The following REEP1 variants were observed in gnomAD, a reference collection of about 807,000 sequenced individuals.
REEP1 encodes receptor expression-enhancing protein 1.
Under a neutral mutation model 40.3 loss-of-function variants are expected in REEP1, and 22 were observed. The ratio of observed to expected loss-of-function variants is 0.55; its 90% CI spans 0.39 to 0.78. The LOEUF (loss-of-function observed/expected upper bound fraction) is 0.78, where lower values mean the gene tolerates loss of function less well. REEP1 is among the 30% of genes least tolerant of loss of function. The pLI is 0.00. For synonymous variants in REEP1, 116 were observed against 139.2 expected (o/e 0.83, Z 1.17); for missense variants, 280 against 361.1 (o/e 0.78, Z 1.82).
At position 86,239,233 on chromosome 2, in the gene REEP1, A is replaced by G. The variant is rs905833215; in HGVS notation, c.418-6431T>C. On this transcript the variant is annotated intron_variant, in intron 5 of 8. Transcript: ENST00000538924. ...CAAAAAAAAAAAAAAAAAAAAAAAA[A>G]GACATAGGAGTAATTAAAACAGCAA... is the stretch of plus-strand genomic sequence containing the variant. 2.1e-5 allele frequency among the ~76,000 whole-genome samples: 3 copies of G among 141,838 alleles called. No homozygotes were observed. In the South Asian group the frequency reaches 6.8e-4, roughly 32 times the overall value. The allele number at this position is 141,838 out of a possible 152,430, so 93.1% of individuals were successfully genotyped here.
chr2:86,218,880 T>A (rs999778869), intron 8 of REEP1, among the ~76,000 whole-genome samples: 2 of 152,234 alleles, frequency 1.3e-5, no homozygotes, highest in African/African-American at 4.8e-5. Flanking sequence ...AAGGGAACAT[T>A]TCAAGGCATC....
Position 86,232,614 on chromosome 2 carries a change from G to C in REEP1, c.595+11C>G. The C allele has an allele frequency of 6.2e-7, 1 of 1,612,088 alleles. No homozygotes were observed. Among genetic ancestry groups the C allele is most frequent in the Non-Finnish European group, 8.5e-7 (1 of 1,179,928 alleles). Reference sequence around the variant, plus strand: ...AGGAGTGGGAAAGAGGGGAAGTAAAGTGACACCTACCTGAGCTGCTAGCGC... The same window carrying C: ...AGGAGTGGGAAAGAGGGGAAGTAAACTGACACCTACCTGAGCTGCTAGCGC... On this transcript the variant is annotated intron_variant, in intron 6 of 8. Coordinates refer to ENST00000538924, the MANE Select transcript of REEP1 (RefSeq NM_001371279.1).
chr2:86,249,028 G>GC (rs1217523396), intron 5 of REEP1, among the ~76,000 whole-genome samples: 1 of 152,170 alleles, frequency 6.6e-6, no homozygotes, highest in African/African-American at 2.4e-5. Context: ...GGAGGCTGAG[G>GC]CGGGCGGATC....
intron 1 of REEP1, among the ~76,000 whole-genome samples, chr2:86,290,649 T>C (rs2104425431): frequency 6.6e-6 from 1 of 152,308 alleles, no homozygotes; most frequent in East Asian, 1.9e-4. Context: ...GACCCACTGA[T>C]CCTCTAGCCC....
intron 1 of REEP1, among the ~76,000 whole-genome samples, chr2:86,327,203 T>A (rs1680548819): frequency 6.6e-6 from 1 of 152,252 alleles, no homozygotes; most frequent in Admixed American, 6.5e-5. Flanking sequence ...CTTTTCCACA[T>A]GGGCTTATTT....
At chr2:86,253,944 T>C (rs1268858166) in intron 4 of REEP1, among the ~76,000 whole-genome samples, 1 of 152,204 alleles carries the variant, frequency 6.6e-6, no homozygotes, top group Non-Finnish European at 1.5e-5. Context: ...ATCCTGCTCT[T>C]GGGAATTAAT....
chr2:86,293,115 T>C (rs1419967304), intron 1 of REEP1, among the ~76,000 whole-genome samples: 1 of 152,168 alleles, frequency 6.6e-6, no homozygotes, highest in African/African-American at 2.4e-5. Flanking sequence ...TGTTCGTTCA[T>C]CCAACAGACA....
At chr2:86,223,892 G>A (rs1488571927) in intron 7 of REEP1, 1 of 151,220 alleles carries the variant, frequency 6.6e-6, no homozygotes, top group Non-Finnish European at 1.5e-5. Context: ...ATGACATAGA[G>A]GTAGGCAGAG....
intron 1 of REEP1, among the ~76,000 whole-genome samples, chr2:86,288,999 G>A (rs1314795414): frequency 2.6e-5 from 4 of 151,920 alleles, no homozygotes; most frequent in Non-Finnish European, 5.9e-5. Flanking sequence ...ATCCTTTCTC[G>A]GACATATGCA....
At chr2:86,248,998 C>T (rs1263952708) in intron 5 of REEP1, among the ~76,000 whole-genome samples, 2 of 152,168 alleles carry the variant, frequency 1.3e-5, no homozygotes, top group Admixed American at 1.3e-4. Context: ...AGGTGGGATG[C>T]CTGTAATCCC....
intron 2 of REEP1, among the ~76,000 whole-genome samples, chr2:86,277,067 T>G (rs550537185): frequency 6.6e-6 from 1 of 152,276 alleles, no homozygotes; most frequent in South Asian, 2.1e-4. Flanking sequence ...AGACTTATAT[T>G]GTCTCCTGGT....
chr2:86,305,623 T>A (rs1679445682), intron 1 of REEP1, among the ~76,000 whole-genome samples: 1 of 152,190 alleles, frequency 6.6e-6, no homozygotes, highest in Admixed American at 6.5e-5. Flanking sequence ...GGCCTGAACA[T>A]CTGCCCTTCT....
At chr2:86,270,698 T>G (rs1574062579) in intron 2 of REEP1, among the ~76,000 whole-genome samples, 1 of 152,142 alleles carries the variant, frequency 6.6e-6, no homozygotes, top group African/African-American at 2.4e-5. Flanking sequence ...AAAGAAAAGA[T>G]CTGTGTATTT....
At chr2:86,305,466 C>T (rs1679440342) in intron 1 of REEP1, among the ~76,000 whole-genome samples, 1 of 152,358 alleles carries the variant, frequency 6.6e-6, no homozygotes. Context: ...GAGATTTCCT[C>T]TTGGATCACA....
At chr2:86,336,941 C>G (rs1164261545) in intron 1 of REEP1, 2 of 152,406 alleles carry the variant, frequency 1.3e-5, no homozygotes, top group African/African-American at 4.8e-5. Context: ...GATGCAGACA[C>G]CTAAAAAGGA....
At chr2:86,324,932 G>C (rs1198134069) in intron 1 of REEP1, among the ~76,000 whole-genome samples, 1 of 152,214 alleles carries the variant, frequency 6.6e-6, no homozygotes, top group African/African-American at 2.4e-5. Flanking sequence ...ATACAATAAA[G>C]GTAGTGTTCT....
At chr2:86,309,801 G>A (rs1679674740) in intron 1 of REEP1, among the ~76,000 whole-genome samples, 1 of 152,134 alleles carries the variant, frequency 6.6e-6, no homozygotes, top group South Asian at 2.1e-4. Context: ...TCTCCCAAAG[G>A]CCGCATCTCC....
chr2:86,317,197 A>G (rs984657873), intron 1 of REEP1, among the ~76,000 whole-genome samples: 10 of 152,188 alleles, frequency 6.6e-5, no homozygotes, highest in Admixed American at 6.5e-5. Context: ...CAACTGTTCT[A>G]GGTTGGTCAA....
In REEP1 at chr2:86,238,928, GC is replaced by G. The variant is rs141801941; in HGVS notation, c.418-6127del. Reference sequence around the variant, plus strand: ...GGGGTCCACTTATACCTTGTTCATGGCCAGGGATGTATCTGAATAGCGGAAA... The same window carrying G: ...GGGGTCCACTTATACCTTGTTCATGGCAGGGATGTATCTGAATAGCGGAAA... On this transcript the variant is annotated intron_variant, in intron 5 of 8. Transcript: ENST00000538924. Among the ~76,000 whole-genome samples, 361 of 152,160 alleles carry G rather than the reference GC, an allele frequency of 2.4e-3. 4 individuals are homozygous for G. Among genetic ancestry groups the G allele is most frequent in the South Asian group, 0.021 (103 of 4,810 alleles).
Sources: gnomAD v4.1 joint callset for allele counts (sites outside exome capture counted in the v4.1 genomes callset) on GRCh38, gnomAD v4.1.1 for gene constraint, MANE v1.5 for transcripts, NCBI Gene and HGNC (gene_info 2026-07-23, HGNC 2026-07-21) for gene names.